Variants in OCA2 observed in about 807,000 individuals in gnomAD.
OCA2 encodes the protein P protein.
OCA2 carries 77 observed loss-of-function variants against 100.2 expected under a neutral mutation model. The observed-to-expected ratio is 0.77, with a 90% CI of 0.64 to 0.93. The LOEUF is 0.93. OCA2 is among the 40% of genes least tolerant of loss of function. OCA2 has a pLI of 0.00. For missense variants in OCA2, 1,062 were observed against 1,089.1 expected (o/e 0.98, Z 0.35); for synonymous variants, 432 against 439.2 (o/e 0.98, Z 0.21).
At chr15:27,731,911 G>A in the OCA2 span, among the ~76,000 whole-genome samples, 1 of 152,224 alleles carries the variant, frequency 6.6e-6, no homozygotes, top group African/African-American at 2.4e-5. Context: ...AAGCAAAAAT[G>A]TGGAACCCAT....
chr15:27,744,055 G>A, the OCA2 span, among the ~76,000 whole-genome samples: 5 of 152,202 alleles, frequency 3.3e-5, no homozygotes, highest in Middle Eastern at 3.4e-3. Flanking sequence ...AGGTCAGTTC[G>A]GGCAGTGCCC....
At chr15:27,724,346 G>T in the OCA2 span, among the ~76,000 whole-genome samples, 1 of 152,110 alleles carries the variant, frequency 6.6e-6, no homozygotes. Context: ...TGTAGGTGAG[G>T]CACTCCTGGT....
intron 2 of OCA2, among the ~76,000 whole-genome samples, chr15:28,077,542 C>T (rs946072393): frequency 1.3e-5 from 2 of 152,104 alleles, no homozygotes; most frequent in Admixed American, 6.5e-5. Flanking sequence ...AGCAGCGTTC[C>T]AGGGCTGGAC....
intron 23 of OCA2, among the ~76,000 whole-genome samples, chr15:27,822,951 T>C (rs560252548): frequency 6.6e-6 from 1 of 152,252 alleles, no homozygotes; most frequent in Non-Finnish European, 1.5e-5. Flanking sequence ...TTATCAAATG[T>C]TGTCCTATCG....
intron 23 of OCA2, among the ~76,000 whole-genome samples, chr15:27,785,689 C>T (rs2032779668): frequency 6.6e-6 from 1 of 152,100 alleles, no homozygotes; most frequent in Non-Finnish European, 1.5e-5. Context: ...ATGGCAGTGC[C>T]TCAAAATACT....
intron 23 of OCA2, among the ~76,000 whole-genome samples, chr15:27,797,614 G>A (rs779872360): frequency 1.2e-4 from 18 of 152,206 alleles, no homozygotes; most frequent in Non-Finnish European, 2.1e-4. Context: ...TGCAGCTTAA[G>A]TGTCTAGGAC....
At chr15:27,829,570 G>A (rs1483441247) in intron 23 of OCA2, among the ~76,000 whole-genome samples, 1 of 152,230 alleles carries the variant, frequency 6.6e-6, no homozygotes, top group Non-Finnish European at 1.5e-5. Flanking sequence ...GCTGGCTTCA[G>A]CATCCACAAC....
At chr15:28,058,925 G>C (rs1045388102) in intron 2 of OCA2, among the ~76,000 whole-genome samples, 2 of 152,192 alleles carry the variant, frequency 1.3e-5, no homozygotes, top group Non-Finnish European at 2.9e-5. Flanking sequence ...GAAGTCCTGA[G>C]GGGATGCAGT....
At chr15:27,727,711 G>A in the OCA2 span, among the ~76,000 whole-genome samples, 2 of 152,222 alleles carry the variant, frequency 1.3e-5, no homozygotes, top group Non-Finnish European at 2.9e-5. Flanking sequence ...AGACAGTGAA[G>A]TGAGTATTCT....
intron 2 of OCA2, 65 bp downstream of exon 2, chr15:28,081,583 G>T: frequency 6.7e-7 from 1 of 1,487,142 alleles, no homozygotes; most frequent in Non-Finnish European, 9.3e-7. Context: ...GTGGGGGAAC[G>T]ATGCTCATGG....
intron 23 of OCA2, among the ~76,000 whole-genome samples, chr15:27,821,374 AACAC>A (rs1469406460): frequency 2.0e-5 from 3 of 152,096 alleles, no homozygotes; most frequent in African/African-American, 7.2e-5. Flanking sequence ...ACACACATAA[AACAC>A]ACACACATAT....
In OCA2 at chr15:28,081,689, A is replaced by G. The variant is rs778238340; in HGVS notation, c.186T>C (p.Ala62=). The change falls in exon 2 of 24, where the codon GCT becomes GCC. Residue 62 remains alanine (A), a synonymous_variant. Coordinates refer to ENST00000354638, the MANE Select transcript of OCA2 (RefSeq NM_000275.3). ...ATGAAGCAAACTCCTGGCCTGCAGG[A>G]GCCCAAGAGCTCTGCCCGGCAGCCC... ...PRGAAGQSSW[A]PAGQEFASFL... 2.5e-6 allele frequency: 4 copies of G among 1,613,760 alleles called. No individual in the cohort carries two copies. The highest frequency in any genetic ancestry group is 2.7e-5 in the African/African-American group (2 of 74,936).
intron 11 of OCA2, 43 bp from the exon 12 acceptor site, chr15:27,986,686 C>T (rs374710845): frequency 3.1e-6 from 4 of 1,308,728 alleles, no homozygotes; most frequent in Non-Finnish European, 2.2e-6. Context: ...TTTAGCAGGA[C>T]ACCATATTAA....
chr15:27,917,370 A>T (rs554244966), intron 19 of OCA2, among the ~76,000 whole-genome samples: 1 of 152,226 alleles, frequency 6.6e-6, no homozygotes, highest in East Asian at 1.9e-4. Context: ...AATTTGTCTA[A>T]AATTTTAGAA....
chr15:27,827,779 T>C (rs1296282325), intron 23 of OCA2, among the ~76,000 whole-genome samples: 1 of 152,238 alleles, frequency 6.6e-6, no homozygotes, highest in African/African-American at 2.4e-5. Context: ...CATACTGTTG[T>C]TGTTTTAATC....
At chr15:28,087,808 T>A (rs1478459708) in intron 1 of OCA2, among the ~76,000 whole-genome samples, 3 of 152,112 alleles carry the variant, frequency 2.0e-5, no homozygotes, top group African/African-American at 4.8e-5. Context: ...CAACCTGTAA[T>A]CCCAGCACTT....
chr15:27,829,312 G>GATAGATAA (rs2034862946), intron 23 of OCA2, among the ~76,000 whole-genome samples: 1 of 144,124 alleles, frequency 6.9e-6, no homozygotes, highest in Non-Finnish European at 1.5e-5. Flanking sequence ...TAGATAGATA[G>GATAGATAA]ATAGAGTGAT....
rs201791790 is a variant in OCA2, at chr15:28,027,980, G to A, written c.406C>T (p.Arg136Ter). 1.1e-5 allele frequency: 17 copies of A among 1,614,210 alleles called. No homozygotes were observed. In the East Asian group the frequency reaches 1.3e-4, roughly 13 times the overall value. Residue 136 changes from arginine to a stop codon, truncating the protein, a stop_gained, in exon 4 of 24, where the codon CGA becomes TGA. Transcript: ENST00000354638. LOFTEE classifies it high-confidence loss of function. ...ACCTCCCTGCTTAGCAGGTATCTTC[G>A]CTCCCAGTCAGCAGAGCTGTCTTCC... ...SWEDSSADWE[R>*]RYLLSREVSG...
chr15:28,009,316 T>C (rs777705039), intron 9 of OCA2, among the ~76,000 whole-genome samples: 1 of 152,152 alleles, frequency 6.6e-6, no homozygotes, highest in Non-Finnish European at 1.5e-5. Flanking sequence ...ACTAGTATTA[T>C]AAGAAAGGAA....
Sources: gnomAD v4.1 joint callset for allele counts (sites outside exome capture counted in the v4.1 genomes callset) on GRCh38, gnomAD v4.1.1 for gene constraint, MANE v1.5 for transcripts, NCBI Gene and HGNC (gene_info 2026-07-23, HGNC 2026-07-21) for gene names.